Variants in HSD17B2 observed in about 807,000 individuals in gnomAD.
HSD17B2 encodes the protein 17-beta-hydroxysteroid dehydrogenase type 2.
A neutral mutation model predicts 26.9 loss-of-function variants in HSD17B2; 32 were observed. That is an observed-to-expected ratio of 1.19 (90% CI 0.90 to 1.60). The LOEUF (loss-of-function observed/expected upper bound fraction) is 1.60, where lower values mean the gene tolerates loss of function less well. HSD17B2 is among the 40% of genes most tolerant of loss of function. The pLI, the probability that HSD17B2 is intolerant of heterozygous loss-of-function variation, is 0.00. For missense variants in HSD17B2, 613 were observed against 468.6 expected (o/e 1.31, Z -2.85); for synonymous variants, 246 against 186.7 (o/e 1.32, Z -2.59).
intron 4 of HSD17B2, chr16:82,096,534 T>C (rs888835917): frequency 1.3e-5 from 2 of 152,148 alleles, no homozygotes; most frequent in Admixed American, 6.6e-5. Context: ...TAAAATCCTA[T>C]ATTTAATTGG....
At chr16:82,038,956 T>A (rs765492909) in intron 1 of HSD17B2, among the ~76,000 whole-genome samples, 1 of 152,140 alleles carries the variant, frequency 6.6e-6, no homozygotes, top group African/African-American at 2.4e-5. Context: ...CAGTCACCCC[T>A]GTTCCCCCTT....
At chr16:82,097,350 T>TATACACAC (rs1555534470) in intron 4 of HSD17B2, 5 of 101,812 alleles carry the variant, frequency 4.9e-5, no homozygotes, top group East Asian at 2.3e-4. Context: ...TATATATGTG[T>TATACACAC]ACACACACAC....
At chr16:82,062,906 G>A (rs999105981) in intron 1 of HSD17B2, among the ~76,000 whole-genome samples, 2 of 152,192 alleles carry the variant, frequency 1.3e-5, no homozygotes, top group African/African-American at 4.8e-5. Flanking sequence ...TGACCCCTGA[G>A]CTGCCTCAGG....
chr16:82,073,955 T>A (rs1914755360), intron 3 of HSD17B2, among the ~76,000 whole-genome samples: 1 of 152,176 alleles, frequency 6.6e-6, no homozygotes, highest in Non-Finnish European at 1.5e-5. Flanking sequence ...CAAACTATAC[T>A]ACAGGGCTAC....
chr16:82,063,835 T>C (rs1308417996), intron 1 of HSD17B2, among the ~76,000 whole-genome samples: 1 of 151,978 alleles, frequency 6.6e-6, no homozygotes, highest in Non-Finnish European at 1.5e-5. Context: ...AAGGAGAGAC[T>C]CTACACCAAA....
At chr16:82,079,116 G>C (rs1206409026) in intron 3 of HSD17B2, among the ~76,000 whole-genome samples, 3 of 152,072 alleles carry the variant, frequency 2.0e-5, no homozygotes, top group African/African-American at 7.2e-5. Context: ...TTGCATGCTT[G>C]TATCAAAACA....
intron 3 of HSD17B2, among the ~76,000 whole-genome samples, chr16:82,086,743 G>A (rs1013421118): frequency 6.6e-6 from 1 of 152,182 alleles, no homozygotes; most frequent in African/African-American, 2.4e-5. Flanking sequence ...ATGTCAGTCT[G>A]CTCAGACTGT....
At chr16:82,074,603 G>A (rs1029152973) in intron 3 of HSD17B2, among the ~76,000 whole-genome samples, 5 of 152,176 alleles carry the variant, frequency 3.3e-5, no homozygotes, top group African/African-American at 9.7e-5. Context: ...AAGAGACAAA[G>A]AAGGTCATTA....
intron 3 of HSD17B2, among the ~76,000 whole-genome samples, chr16:82,084,016 C>T (rs1410539531): frequency 6.6e-6 from 1 of 152,172 alleles, no homozygotes; most frequent in Non-Finnish European, 1.5e-5. Context: ...TTCGCATAAA[C>T]ACTTGTGTGC....
At chr16:82,080,432 G>A (rs913280335) in intron 3 of HSD17B2, among the ~76,000 whole-genome samples, 2 of 152,158 alleles carry the variant, frequency 1.3e-5, no homozygotes, top group Non-Finnish European at 2.9e-5. Context: ...TGGTACCTAG[G>A]TGGCTTTGAA....
At chr16:82,037,180 G>A (rs942885719) in intron 1 of HSD17B2, among the ~76,000 whole-genome samples, 1 of 152,180 alleles carries the variant, frequency 6.6e-6, no homozygotes, top group East Asian at 1.9e-4. Context: ...TGCATGAAAT[G>A]CTTATGGCAA....
At position 82,058,059 on chromosome 16, in the gene HSD17B2, T is replaced by C. The variant is rs149583070; in HGVS notation, c.266-10111T>C. ...ACTACATCATACTAATGTAAGATTGTTGTTGTTGTTAATTTTTTTTTTTTT... is the reference window on the plus strand; with the variant it reads ...ACTACATCATACTAATGTAAGATTGCTGTTGTTGTTAATTTTTTTTTTTTT... On this transcript the variant is annotated intron_variant, in intron 1 of 4. Coordinates refer to ENST00000199936, the MANE Select transcript of HSD17B2 (RefSeq NM_002153.3). Among the ~76,000 whole-genome samples the C allele has an allele frequency of 2.6e-3, 388 of 151,908 alleles. 3 individuals carry two copies. The highest frequency in any genetic ancestry group is 8.5e-3 in the African/African-American group (352 of 41,240).
rs1356188841 is a variant in HSD17B2 at position 82,035,326 on chromosome 16, C to T, written c.-99C>T. ...CTGGGGCTGCTTTCTCCCCTCCCTT[C>T]TTGACTCTCTGTTCACAGAACTCAG... On this transcript the variant is annotated 5_prime_UTR_variant, in exon 1 of 5. Coordinates refer to ENST00000199936, the MANE Select transcript of HSD17B2 (RefSeq NM_002153.3). 3.4e-6 allele frequency: 4 copies of T among 1,180,396 alleles called. No homozygotes were observed. Among genetic ancestry groups the T allele is most frequent in the Non-Finnish European group, 1.2e-6 (1 of 828,334 alleles). The allele number at this position is 1,180,396 out of a possible 1,614,324, so 73.1% of individuals were successfully genotyped here.
chr16:82,043,963 T>C (rs935993206), intron 1 of HSD17B2, among the ~76,000 whole-genome samples: 2 of 152,214 alleles, frequency 1.3e-5, no homozygotes, highest in East Asian at 3.8e-4. Flanking sequence ...ATTAAAGTAT[T>C]ATTTTGCATG....
chr16:82,044,947 A>G (rs1174450558), intron 1 of HSD17B2, among the ~76,000 whole-genome samples: 1 of 151,796 alleles, frequency 6.6e-6, no homozygotes, highest in African/African-American at 2.4e-5. Flanking sequence ...GCGAAACCCA[A>G]TCTCTACTAA....
intron 3 of HSD17B2, among the ~76,000 whole-genome samples, chr16:82,079,220 T>C (rs922387178): frequency 6.6e-6 from 1 of 152,156 alleles, no homozygotes; most frequent in Non-Finnish European, 1.5e-5. Context: ...TGATCGATTT[T>C]CCTCTGTGTT....
chr16:82,084,814 C>T (rs981796867), intron 3 of HSD17B2, among the ~76,000 whole-genome samples: 1 of 152,188 alleles, frequency 6.6e-6, no homozygotes, highest in African/African-American at 2.4e-5. Context: ...CTCTCTATAA[C>T]CTTGAACTCT....
chr16:82,078,709 T>C (rs1293942941), intron 3 of HSD17B2, among the ~76,000 whole-genome samples: 3 of 152,232 alleles, frequency 2.0e-5, no homozygotes, highest in African/African-American at 7.2e-5. Context: ...TGAGATATTG[T>C]CATCTGCAAT....
intron 1 of HSD17B2, among the ~76,000 whole-genome samples, chr16:82,039,572 A>G (rs545499605): frequency 7.9e-5 from 12 of 152,320 alleles, no homozygotes; most frequent in African/African-American, 2.9e-4. Context: ...CCAGGAAATT[A>G]CTGTCAAGCG....
Sources: gnomAD v4.1 joint callset for allele counts (sites outside exome capture counted in the v4.1 genomes callset) on GRCh38, gnomAD v4.1.1 for gene constraint, MANE v1.5 for transcripts, NCBI Gene and HGNC (gene_info 2026-07-23, HGNC 2026-07-21) for gene names.